ENPP1: variants seen among roughly 807,000 people sequenced by gnomAD.
ENPP1 encodes ectonucleotide pyrophosphatase/phosphodiesterase 1.
ENPP1 carries 73 observed loss-of-function variants against 122.8 expected under a neutral mutation model. The ratio of observed to expected loss-of-function variants is 0.59; its 90% CI spans 0.49 to 0.72. ENPP1 has a LOEUF of 0.72. Ranked by LOEUF, ENPP1 falls within the 30% of genes least tolerant of loss-of-function variation. ENPP1 has a pLI of 0.00. For missense variants in ENPP1, 978 were observed against 1,128.1 expected (o/e 0.87, Z 1.91); for synonymous variants, 367 against 391.6 (o/e 0.94, Z 0.74).
chr6:131,819,894 C>T (rs575853002), intron 1 of ENPP1: 101 of 496,062 alleles, frequency 2.0e-4, no homozygotes, highest in African/African-American at 2.0e-3. Context: ...TCCCAGTGGC[C>T]CTCTTCCATC....
At chr6:131,869,304 A>G in intron 12 of ENPP1, 54 bp from the exon 13 acceptor site, 1 of 1,582,886 alleles carries the variant, frequency 6.3e-7, no homozygotes, top group African/African-American at 1.3e-5. Context: ...TGCTCTGCAT[A>G]TTAAATTTTT....
At chr6:131,840,159 T>C (rs1052739275) in intron 1 of ENPP1, among the ~76,000 whole-genome samples, 1 of 152,230 alleles carries the variant, frequency 6.6e-6, no homozygotes, top group East Asian at 1.9e-4. Flanking sequence ...TAGAAATCTC[T>C]AATATATTAA....
At chr6:131,840,533 C>A (rs561054554) in intron 1 of ENPP1, among the ~76,000 whole-genome samples, 1 of 152,322 alleles carries the variant, frequency 6.6e-6, no homozygotes, top group Admixed American at 6.5e-5. Context: ...TTCAGTAACC[C>A]TATGCCCTCG....
rs1285884115 is a variant in ENPP1 at position 131,869,710 on chromosome 6, G to A, written c.1405+221G>A. Among the ~76,000 whole-genome samples the A allele has an allele frequency of 2.0e-5, 3 of 151,740 alleles. No individual in the cohort carries two copies. In the East Asian group the frequency reaches 5.8e-4, roughly 29 times the overall value. On this transcript the variant is annotated intron_variant, in intron 13 of 24. Coordinates refer to ENST00000647893, the MANE Select transcript of ENPP1 (RefSeq NM_006208.3). ...ATCTATACTAAAAATACAAAAATTA[G>A]CCTGGCTTGGTGGCAGCTGCCTGTA... is the stretch of plus-strand genomic sequence containing the variant.
chr6:131,831,227 T>C (rs1344919850), intron 1 of ENPP1, among the ~76,000 whole-genome samples: 1 of 152,146 alleles, frequency 6.6e-6, no homozygotes, highest in Non-Finnish European at 1.5e-5. Context: ...GTTTTCTCTT[T>C]TTTCTTTTTC....
chr6:131,858,791 T>C, intron 7 of ENPP1, 44 bp downstream of exon 7: 2 of 1,321,762 alleles, frequency 1.5e-6, no homozygotes, highest in South Asian at 1.2e-5. Context: ...AGAAGTGAGA[T>C]GGGATTGTAA....
intron 17 of ENPP1, 63 bp downstream of exon 17, chr6:131,875,926 G>A (rs140858229): frequency 7.3e-7 from 1 of 1,360,598 alleles, no homozygotes; most frequent in Non-Finnish European, 1.1e-6. Flanking sequence ...ATTATCAAAA[G>A]CAGGTCACAT....
intron 7 of ENPP1, among the ~76,000 whole-genome samples, chr6:131,860,056 A>C (rs1168710788): frequency 2.0e-5 from 3 of 151,450 alleles, no homozygotes; most frequent in Non-Finnish European, 2.9e-5. Flanking sequence ...CCATCTCTTG[A>C]CCTCGTGATC....
chr6:131,826,251 A>G (rs2114665303), intron 1 of ENPP1: 1 of 1,011,250 alleles, frequency 9.9e-7, no homozygotes, highest in Non-Finnish European at 1.6e-6. Context: ...GTAGCATCTC[A>G]CTGTTGTTGT....
intron 9 of ENPP1, among the ~76,000 whole-genome samples, chr6:131,862,422 G>T (rs1011844593): frequency 2.6e-5 from 4 of 152,148 alleles, no homozygotes; most frequent in African/African-American, 9.7e-5. Flanking sequence ...ATCAAGACAG[G>T]AGAATTGCAA....
intron 17 of ENPP1, among the ~76,000 whole-genome samples, chr6:131,876,587 A>G (rs1782232854): frequency 6.6e-6 from 1 of 152,226 alleles, no homozygotes. Flanking sequence ...CTGGTTTTGA[A>G]TTCTAGATCA....
chr6:131,860,554 TTCAA>T (rs765028203), intron 8 of ENPP1, 48 bp downstream of exon 8: 3 of 1,422,066 alleles, frequency 2.1e-6, no homozygotes, highest in African/African-American at 2.8e-5. Context: ...TCTCATCTAT[TTCAA>T]TCAGAGTAAA....
chr6:131,823,981 G>A (rs2114662574), intron 1 of ENPP1, among the ~76,000 whole-genome samples: 1 of 150,622 alleles, frequency 6.6e-6, no homozygotes, highest in East Asian at 1.9e-4. Context: ...GTAGATCGGG[G>A]TTCAATATTG....
chr6:131,814,884 A>G (rs1222506836), intron 1 of ENPP1, among the ~76,000 whole-genome samples: 1 of 152,226 alleles, frequency 6.6e-6, no homozygotes, highest in Non-Finnish European at 1.5e-5. Context: ...GGCAGAGGAT[A>G]GTACCTGACA....
intron 1 of ENPP1, among the ~76,000 whole-genome samples, chr6:131,825,297 T>TTTG (rs970520756): frequency 2.6e-5 from 4 of 152,198 alleles, no homozygotes; most frequent in South Asian, 4.2e-4. Context: ...ACACTGTCTT[T>TTTG]TTGTTGTTGT....
intron 14 of ENPP1, 70 bp from the exon 15 acceptor site, chr6:131,872,853 C>T: frequency 4.8e-6 from 7 of 1,444,380 alleles, no homozygotes; most frequent in African/African-American, 2.8e-5. Flanking sequence ...AAATATCTTT[C>T]CCTAAAAAAG....
Position 131,861,586 on chromosome 6 carries a change from C to T in ENPP1, c.916-9C>T. The T allele has an allele frequency of 6.4e-7, 1 of 1,557,532 alleles. No individual in the cohort carries two copies. Among genetic ancestry groups the T allele is most frequent in the Non-Finnish European group, 8.9e-7 (1 of 1,128,464 alleles). The stretch of plus-strand genomic sequence containing the variant: ...TGATTTCTTAATTTTCCTTCATTTT[C>T]TGCTCCAGATTTGGGTCACAGCTAA... On this transcript the variant is annotated splice_polypyrimidine_tract_variant and intron_variant, in intron 8 of 24. Coordinates refer to ENST00000647893, the MANE Select transcript of ENPP1 (RefSeq NM_006208.3).
At chr6:131,841,020 C>A (rs1781732942) in intron 1 of ENPP1, among the ~76,000 whole-genome samples, 1 of 152,178 alleles carries the variant, frequency 6.6e-6, no homozygotes, top group African/African-American at 2.4e-5. Context: ...AGTTTCACTG[C>A]AGTTTCAGAG....
intron 1 of ENPP1, among the ~76,000 whole-genome samples, chr6:131,812,825 GTTAT>G (rs1319196988): frequency 2.0e-5 from 3 of 152,128 alleles, no homozygotes; most frequent in Admixed American, 6.5e-5. Flanking sequence ...GGGCTTACAG[GTTAT>G]TTATTCAGCA....
Sources: gnomAD v4.1 joint callset for allele counts (sites outside exome capture counted in the v4.1 genomes callset) on GRCh38, gnomAD v4.1.1 for gene constraint, MANE v1.5 for transcripts, NCBI Gene and HGNC (gene_info 2026-07-23, HGNC 2026-07-21) for gene names.